Variants in AFF4 observed in about 807,000 individuals in gnomAD.
The protein encoded by AFF4 is ALF transcription elongation factor 4.
In AFF4, 13 loss-of-function variants were observed where a neutral mutation model predicts 124.8. The observed-to-expected ratio is 0.10, with a 90% CI of 0.07 to 0.17. AFF4 has a LOEUF of 0.17. Ranked by LOEUF, AFF4 falls within the 10% of genes least tolerant of loss-of-function variation. AFF4 has a pLI of 1.00. For synonymous variants in AFF4, 477 were observed against 496.1 expected, an observed-to-expected ratio of 0.96 and a Z score of 0.51; for missense variants, 1,092 against 1,403.8, an observed-to-expected ratio of 0.78 and a Z score of 3.55.
chr5:132,951,591 G>A (rs750580924), intron 1 of AFF4, among the ~76,000 whole-genome samples: 10 of 152,036 alleles, frequency 6.6e-5, no homozygotes, highest in Admixed American at 2.0e-4. Flanking sequence ...GCAGTGGCAC[G>A]ATCTCGGCTC....
chr5:132,903,367 A>T (rs960288408), intron 6 of AFF4, among the ~76,000 whole-genome samples: 1 of 152,228 alleles, frequency 6.6e-6, no homozygotes, highest in Non-Finnish European at 1.5e-5. Flanking sequence ...CTGAAGATAA[A>T]CTAAGGATCA....
intron 5 of AFF4, among the ~76,000 whole-genome samples, chr5:132,906,707 G>A (rs977015858): frequency 6.6e-5 from 10 of 152,118 alleles, no homozygotes; most frequent in Non-Finnish European, 1.5e-4. Flanking sequence ...ACTTGAAGTA[G>A]GTGAATTACA....
At chr5:132,935,924 T>TAA (rs750757510) in intron 2 of AFF4, among the ~76,000 whole-genome samples, 8 of 133,838 alleles carry the variant, frequency 6.0e-5, no homozygotes, top group South Asian at 2.4e-4. Context: ...TTCCTTCTCA[T>TAA]AAAAAAAAAA....
intron 5 of AFF4, among the ~76,000 whole-genome samples, chr5:132,925,748 T>G (rs1761155901): frequency 6.6e-6 from 1 of 152,146 alleles, no homozygotes; most frequent in Non-Finnish European, 1.5e-5. Context: ...TTTAATAATA[T>G]CAAATGGTGG....
rs771260424 is a variant in AFF4, at chr5:132,937,118, G to A, written c.72C>T (p.Gly24=). Residue 24 remains glycine, a synonymous_variant, in exon 2 of 21, where the codon GGC becomes GGT. Transcript: ENST00000265343. ...RERRNQEIQQ[G]EDAFPPSSPL... ...GAGAGCTAGGTGGGAAGGCGTCTTC[G>A]CCCTGCTGAATTTCCTGATTCCGCC... 8.1e-6 allele frequency: 13 copies of A among 1,613,712 alleles called. No individual in the cohort carries two copies. The highest frequency in any genetic ancestry group is 4.5e-5 in the East Asian group (2 of 44,894).
At chr5:132,921,797 C>T (rs1268279641) in intron 5 of AFF4, among the ~76,000 whole-genome samples, 1 of 151,876 alleles carries the variant, frequency 6.6e-6, no homozygotes, top group Admixed American at 6.6e-5. Flanking sequence ...TTCTTTCCCC[C>T]CCAGAGAGAG....
rs781547617 is a variant in AFF4, at chr5:132,934,971, T to TTAA, written c.124-31_124-30insTTA. ...AAAAAAATAAAATAAAATAAAATTA[T>TTAA]AAAATGAGCATAATCAGAAATAAAA... On this transcript the variant is annotated intron_variant, in intron 2 of 20. Coordinates refer to ENST00000265343, the MANE Select transcript of AFF4 (RefSeq NM_014423.4). 6 of 1,437,782 alleles carry TTAA rather than the reference T, an allele frequency of 4.2e-6. No homozygotes were observed. In the East Asian group the frequency reaches 1.5e-4, roughly 35 times the overall value. 89.1% of individuals were successfully genotyped at this position (1,437,782 alleles called of 1,614,324 possible).
At chr5:132,924,962 C>T (rs551479301) in intron 5 of AFF4, among the ~76,000 whole-genome samples, 47 of 151,002 alleles carry the variant, frequency 3.1e-4, no homozygotes, top group African/African-American at 6.3e-4. Flanking sequence ...GATCACCTGA[C>T]GTCAGGAGTT....
At chr5:132,914,557 C>T (rs1455310997) in intron 5 of AFF4, among the ~76,000 whole-genome samples, 5 of 151,436 alleles carry the variant, frequency 3.3e-5, no homozygotes, top group African/African-American at 7.3e-5. Context: ...GCCGAGATCA[C>T]GCCACTGCAC....
intron 5 of AFF4, among the ~76,000 whole-genome samples, chr5:132,909,383 T>C (rs1000718004): frequency 1.3e-5 from 2 of 152,136 alleles, no homozygotes; most frequent in Non-Finnish European, 2.9e-5. Flanking sequence ...TCTCAGGTGA[T>C]CCACCCGCCT....
intron 4 of AFF4, among the ~76,000 whole-genome samples, chr5:132,931,134 A>G (rs1761290665): frequency 6.7e-6 from 1 of 148,642 alleles, no homozygotes; most frequent in African/African-American, 2.5e-5. Flanking sequence ...TGTGTAAAGC[A>G]GCCGGGTGCA....
At chr5:132,956,542 G>GA (rs1353210751) in intron 1 of AFF4, among the ~76,000 whole-genome samples, 1 of 150,138 alleles carries the variant, frequency 6.7e-6, no homozygotes, top group African/African-American at 2.5e-5. Context: ...GAAGCAGGGA[G>GA]AATCACTTGA....
At chr5:132,916,680 T>G (rs961709037) in intron 5 of AFF4, among the ~76,000 whole-genome samples, 2 of 152,136 alleles carry the variant, frequency 1.3e-5, no homozygotes, top group Admixed American at 6.6e-5. Context: ...ACTCCTTCTC[T>G]GCAGCAACCC....
Position 132,901,032 on chromosome 5 carries a change from A to G in AFF4, c.1134-1391T>C, listed in dbSNP as rs114714084. 1.5e-3 allele frequency: 1,436 copies of G among 985,452 alleles called. 12 individuals are homozygous for G. The African/African-American group carries it at 0.023, about 16-fold the overall frequency. 61.0% of individuals were successfully genotyped at this position (985,452 alleles called of 1,614,324 possible). A position where few individuals can be genotyped will look rare whatever the true frequency, so the allele number is the denominator to read the frequency against. On this transcript the variant is annotated intron_variant, in intron 7 of 20. Transcript: ENST00000265343. The stretch of plus-strand genomic sequence containing the variant: ...TTAAACACCACCTTGAAATAAAGTA[A>G]CCAGATGATTTTTAAGACTGGCCCA...
chr5:132,951,803 T>C (rs190661803), intron 1 of AFF4, among the ~76,000 whole-genome samples: 1 of 141,660 alleles, frequency 7.1e-6, no homozygotes, highest in Admixed American at 6.8e-5. Flanking sequence ...GCTGGGATTA[T>C]TGGCATGAGC....
At chr5:132,881,455 T>G (rs990496938) in intron 20 of AFF4, among the ~76,000 whole-genome samples, 1 of 152,184 alleles carries the variant, frequency 6.6e-6, no homozygotes, top group Non-Finnish European at 1.5e-5. Context: ...AAATGATAAA[T>G]TGCTATTATG....
chr5:132,893,247 CA>C, intron 11 of AFF4, 129 bp from the exon 12 acceptor site: 1 of 756,652 alleles, frequency 1.3e-6, no homozygotes, highest in Admixed American at 2.4e-5. Flanking sequence ...TACTATAATT[CA>C]TTTAAATAAT....
At chr5:132,888,212 T>C in intron 14 of AFF4, 52 bp from the exon 15 acceptor site, 1 of 1,400,622 alleles carries the variant, frequency 7.1e-7, no homozygotes, top group East Asian at 2.5e-5. Flanking sequence ...TTCATAATAC[T>C]AGTTCATTTC....
At chr5:132,920,893 C>T (rs1313956912) in intron 5 of AFF4, among the ~76,000 whole-genome samples, 1 of 151,904 alleles carries the variant, frequency 6.6e-6, no homozygotes, top group East Asian at 1.9e-4. Flanking sequence ...TTTGGGAGGC[C>T]GGGGTGGGCA....
Sources: gnomAD v4.1 joint callset for allele counts (sites outside exome capture counted in the v4.1 genomes callset) on GRCh38, gnomAD v4.1.1 for gene constraint, MANE v1.5 for transcripts, NCBI Gene and HGNC (gene_info 2026-07-23, HGNC 2026-07-21) for gene names.